Variants in CCDC85A observed in about 807,000 individuals in gnomAD.
The protein encoded by CCDC85A is coiled-coil domain containing 85A.
CCDC85A carries 38 observed loss-of-function variants against 50.2 expected under a neutral mutation model. The observed-to-expected ratio is 0.76, with a 90% CI of 0.58 to 0.99. The LOEUF (loss-of-function observed/expected upper bound fraction) is 0.99. CCDC85A is among the 50% of genes least tolerant of loss of function. The pLI, the probability that CCDC85A is intolerant of heterozygous loss-of-function variation, is 0.00. For missense variants in CCDC85A, 820 were observed against 742.0 expected (o/e 1.11, Z -1.22); for synonymous variants, 366 against 301.4 (o/e 1.21, Z -2.22).
rs544161938 is a variant in CCDC85A, at chr2:56,300,268, T to A, written c.1241-42611T>A. Among the ~76,000 whole-genome samples the A allele has an allele frequency of 7.2e-5, 11 of 152,322 alleles. No individual in the cohort carries two copies. In the South Asian group the frequency reaches 2.3e-3, roughly 32 times the overall value. On this transcript the variant is annotated intron_variant, in intron 2 of 5. Coordinates refer to ENST00000407595, the MANE Select transcript of CCDC85A (RefSeq NM_001080433.2). ...TAGACCATAAGATGATCCTTAAGGG[T>A]AAATACCATGTATCATGCAAAGTAG... is the stretch of plus-strand genomic sequence containing the variant.
intron 3 of CCDC85A, among the ~76,000 whole-genome samples, chr2:56,363,873 T>C (rs1399368715): frequency 6.6e-6 from 1 of 152,206 alleles, no homozygotes; most frequent in African/African-American, 2.4e-5. Flanking sequence ...ACGCTCCGTG[T>C]CCTACTTGTG....
chr2:56,292,413 A>G (rs1671756281), intron 2 of CCDC85A, among the ~76,000 whole-genome samples: 1 of 152,176 alleles, frequency 6.6e-6, no homozygotes, highest in Admixed American at 6.5e-5. Context: ...AACTTGATAA[A>G]GGATACACAT....
chr2:56,188,890 C>A (rs1423112642), intron 1 of CCDC85A, among the ~76,000 whole-genome samples: 1 of 152,158 alleles, frequency 6.6e-6, no homozygotes, highest in African/African-American at 2.4e-5. Context: ...GTTGCATATT[C>A]AAAGAAAGAC....
At chr2:56,263,552 G>T (rs1030941583) in intron 2 of CCDC85A, among the ~76,000 whole-genome samples, 1 of 152,124 alleles carries the variant, frequency 6.6e-6, no homozygotes, top group Non-Finnish European at 1.5e-5. Context: ...TGTATATTGG[G>T]CTGGTCTTGT....
chr2:56,310,084 T>A (rs902788593), intron 2 of CCDC85A, among the ~76,000 whole-genome samples: 3 of 152,182 alleles, frequency 2.0e-5, no homozygotes, highest in Admixed American at 2.0e-4. Context: ...AATTACTTTC[T>A]CCAGGTCTCG....
intron 2 of CCDC85A, among the ~76,000 whole-genome samples, chr2:56,330,528 T>G (rs952334184): frequency 6.6e-6 from 1 of 152,166 alleles, no homozygotes; most frequent in African/African-American, 2.4e-5. Context: ...CTCTTTCCTT[T>G]CTTCCATTAT....
rs186996172 is a variant in CCDC85A at position 56,184,333 on chromosome 2, C to T, written c.-292C>T. 3.9e-3 allele frequency: 2,115 copies of T among 545,346 alleles called. 5 individuals carry two copies. Among genetic ancestry groups the T allele is most frequent in the Non-Finnish European group, 5.0e-3 (1,966 of 392,012 alleles). The allele number at this position is 545,346 out of a possible 1,614,324, so 33.8% of individuals were successfully genotyped here. Reference sequence around the variant, plus strand: ...TCCCCGAGGATTTCCCGCGGCAGCCCCGGGCTCCCCAGTGCCCCTCACCAT... The same window carrying T: ...TCCCCGAGGATTTCCCGCGGCAGCCTCGGGCTCCCCAGTGCCCCTCACCAT... On this transcript the variant is annotated 5_prime_UTR_variant, in exon 1 of 6. Coordinates refer to ENST00000407595, the MANE Select transcript of CCDC85A (RefSeq NM_001080433.2).
At chr2:56,267,207 C>G (rs1194870043) in intron 2 of CCDC85A, among the ~76,000 whole-genome samples, 1 of 152,190 alleles carries the variant, frequency 6.6e-6, no homozygotes, top group African/African-American at 2.4e-5. Context: ...TCTTCCACCC[C>G]CCAGACCCCA....
chr2:56,352,502 C>T (rs141848326), intron 3 of CCDC85A, among the ~76,000 whole-genome samples: 4,778 of 152,100 alleles, frequency 0.031, 195 homozygotes, highest in African/African-American at 0.092. Context: ...CGCGCCACCA[C>T]GCCCAGCTAA....
chr2:56,183,881 C>G, upstream of CCDC85A: 3 of 985,370 alleles, frequency 3.0e-6, no homozygotes, highest in Non-Finnish European at 3.6e-6. Context: ...CTCGAGGGCC[C>G]GGGCAGCGGT....
intron 2 of CCDC85A, among the ~76,000 whole-genome samples, chr2:56,225,952 A>C (rs1430010550): frequency 1.3e-5 from 2 of 152,218 alleles, no homozygotes; most frequent in Non-Finnish European, 2.9e-5. Context: ...AACGAGAAGA[A>C]TTGATATATT....
At chr2:56,287,958 G>A (rs1023533417) in intron 2 of CCDC85A, among the ~76,000 whole-genome samples, 1 of 152,026 alleles carries the variant, frequency 6.6e-6, no homozygotes, top group Non-Finnish European at 1.5e-5. Context: ...CTGCCATAGG[G>A]TGTTTTAAAT....
intron 1 of CCDC85A, among the ~76,000 whole-genome samples, chr2:56,191,196 T>C (rs2103820754): frequency 6.6e-6 from 1 of 152,342 alleles, no homozygotes; most frequent in Non-Finnish European, 1.5e-5. Context: ...GTATCTTCTC[T>C]TGAAAAAGAG....
Position 56,384,291 on chromosome 2 carries a change from C to A in CCDC85A, c.1598C>A (p.Ala533Asp). 1 of 1,610,830 alleles carries A rather than the reference C, an allele frequency of 6.2e-7. No homozygotes were observed. The highest frequency in any genetic ancestry group is 8.5e-7 in the Non-Finnish European group (1 of 1,178,002). Reference sequence around the variant, plus strand: ...GTTGTGTGGAGGAAACTTGGAGATGCTGCAGGTTCGTGTCCTGGAATTAGG... The same window carrying A: ...GTTGTGTGGAGGAAACTTGGAGATGATGCAGGTTCGTGTCCTGGAATTAGG... The part of the protein sequence containing the change: ...LKVVWRKLGD[A>D]AGSCPGIRQH... The change falls in exon 6 of 6, where the codon GCT becomes GAT. Residue 533 changes from alanine (A) to aspartate (D), a missense_variant. Coordinates refer to ENST00000407595, the MANE Select transcript of CCDC85A (RefSeq NM_001080433.2).
At chr2:56,208,378 C>G (rs1396232865) in intron 2 of CCDC85A, among the ~76,000 whole-genome samples, 1 of 152,150 alleles carries the variant, frequency 6.6e-6, no homozygotes, top group Non-Finnish European at 1.5e-5. Flanking sequence ...ATTGCACACA[C>G]ATCCAGATAT....
At position 56,184,657 on chromosome 2, in the gene CCDC85A, T is replaced by TGCGGCG. The variant is rs772256849; in HGVS notation, c.41_46dup (p.Ala14_Ala15dup). 1.6e-4 allele frequency: 237 copies of TGCGGCG among 1,448,662 alleles called. No homozygotes were observed. In the Admixed American group the frequency reaches 2.2e-3, roughly 13 times the overall value. The allele number at this position is 1,448,662 out of a possible 1,614,324, so 89.7% of individuals were successfully genotyped here. ...AGGCGGCCGGAGGCGCGGCGGCGGC[T>TGCGGCG]GCGGCGGCGGCGGAAAGTTGTTCCC... On this transcript the variant is annotated inframe_insertion, in exon 1 of 6. Transcript: ENST00000407595.
chr2:56,328,803 G>T (rs1400717790), intron 2 of CCDC85A, among the ~76,000 whole-genome samples: 1 of 151,918 alleles, frequency 6.6e-6, no homozygotes, highest in Admixed American at 6.6e-5. Flanking sequence ...GCTGCTTTCT[G>T]CGCCACTGCC....
rs191977800 is a variant in CCDC85A, at chr2:56,245,046, A to T, written c.1240+51606A>T. ...TGCTGCCTGTGCTTGTAGAGGGGTG[A>T]CAGAAGCACTCCCTTAGCCACCCTG... On this transcript the variant is annotated intron_variant, in intron 2 of 5. Transcript: ENST00000407595. Among the ~76,000 whole-genome samples the T allele has an allele frequency of 2.3e-3, 345 of 152,170 alleles. 1 individual carries two copies. The highest frequency in any genetic ancestry group is 7.8e-3 in the African/African-American group (324 of 41,510).
chr2:56,214,052 T>G (rs2103886369), intron 2 of CCDC85A, among the ~76,000 whole-genome samples: 1 of 151,974 alleles, frequency 6.6e-6, no homozygotes, highest in Non-Finnish European at 1.5e-5. Context: ...GGTGGTGATC[T>G]TGAACATTTT....
Sources: allele counts gnomAD v4.1 joint callset (sites outside exome capture counted in the v4.1 genomes callset), GRCh38; gene constraint gnomAD v4.1.1; transcripts MANE v1.5; gene names NCBI Gene and HGNC (gene_info 2026-07-23, HGNC 2026-07-21).